The following SLIT3 variants were observed in gnomAD, a reference collection of about 807,000 sequenced individuals.
SLIT3 encodes slit homolog 3 protein.
In SLIT3, 68 loss-of-function variants were observed where a neutral mutation model predicts 184.0. That is an observed-to-expected ratio of 0.37 (90% CI 0.30 to 0.45). The LOEUF is 0.45. Among genes scored for constraint, SLIT3 ranks in the 20% least tolerant of loss-of-function variants. SLIT3 has a pLI of 1.00. For synonymous variants in SLIT3, 831 were observed against 828.6 expected (o/e 1.00, Z -0.05); for missense variants, 1,707 against 2,026.0 (o/e 0.84, Z 3.02).
intron 1 of SLIT3, among the ~76,000 whole-genome samples, chr5:169,288,973 A>G (rs376330177): frequency 3.9e-5 from 6 of 152,332 alleles, no homozygotes; most frequent in African/African-American, 1.4e-4. Flanking sequence ...TAGTGGTTCA[A>G]TTCAGATATT....
intron 4 of SLIT3, among the ~76,000 whole-genome samples, chr5:168,897,646 GTACACACACACACACACA>G (rs1164421598): frequency 9.5e-6 from 1 of 105,382 alleles, no homozygotes; most frequent in African/African-American, 4.2e-5. Flanking sequence ...ACAGGTGCAC[GTACACACACACACACACA>G]CACACACACA....
At chr5:169,051,835 A>G (rs1581353400) in intron 4 of SLIT3, among the ~76,000 whole-genome samples, 1 of 152,232 alleles carries the variant, frequency 6.6e-6, no homozygotes, top group Middle Eastern at 3.4e-3. Context: ...AAAGAAAGGA[A>G]GAGAGTGAAA....
intron 4 of SLIT3, among the ~76,000 whole-genome samples, chr5:169,160,928 G>C (rs1762456372): frequency 1.3e-5 from 2 of 152,032 alleles, no homozygotes; most frequent in African/African-American, 4.8e-5. Context: ...GCAGAGAAAA[G>C]AAAAAAGGGC....
At chr5:169,100,759 C>T (rs1002646492) in intron 4 of SLIT3, among the ~76,000 whole-genome samples, 2 of 152,174 alleles carry the variant, frequency 1.3e-5, no homozygotes, top group African/African-American at 4.8e-5. Context: ...CAATTCCAGG[C>T]ACCTCCATCC....
intron 3 of SLIT3, among the ~76,000 whole-genome samples, chr5:169,199,377 C>T (rs908399987): frequency 1.3e-5 from 2 of 152,062 alleles, no homozygotes; most frequent in African/African-American, 2.4e-5. Flanking sequence ...TATGAAAAGT[C>T]GCTCCAGGTG....
At chr5:168,795,641 G>A in intron 9 of SLIT3, 63 bp from the exon 10 acceptor site, 1 of 1,305,094 alleles carries the variant, frequency 7.7e-7, no homozygotes. Context: ...GTCACTGAGG[G>A]CTACTGTGTT....
At chr5:168,925,648 G>C (rs1156964486) in intron 4 of SLIT3, among the ~76,000 whole-genome samples, 1 of 149,244 alleles carries the variant, frequency 6.7e-6, no homozygotes, top group Non-Finnish European at 1.5e-5. Flanking sequence ...AAGGCAATCT[G>C]TAGTCTCTGC....
intron 4 of SLIT3, among the ~76,000 whole-genome samples, chr5:169,154,139 A>AT (rs1375079374): frequency 1.3e-5 from 2 of 151,788 alleles, no homozygotes; most frequent in East Asian, 1.9e-4. Context: ...AGCCTGGCTA[A>AT]TTTTTTGTAT....
intron 4 of SLIT3, among the ~76,000 whole-genome samples, chr5:169,113,658 CTT>C (rs869209479): frequency 2.1e-4 from 27 of 131,356 alleles, no homozygotes; most frequent in Admixed American, 4.7e-4. Context: ...TTTTCTTTTT[CTT>C]TTTTTTTTTT....
chr5:169,018,946 C>T (rs920408784), intron 4 of SLIT3, among the ~76,000 whole-genome samples: 7 of 152,228 alleles, frequency 4.6e-5, no homozygotes, highest in Admixed American at 2.0e-4. Context: ...AGTTTTGCCT[C>T]TCTCTGCTGA....
intron 5 of SLIT3, among the ~76,000 whole-genome samples, chr5:168,872,674 T>C (rs1252528085): frequency 7.0e-6 from 1 of 142,474 alleles, no homozygotes; most frequent in Non-Finnish European, 1.5e-5. Flanking sequence ...AGTCTCACTC[T>C]GTCGCTCAGG....
At chr5:168,759,018 G>A (rs2113495654) in intron 16 of SLIT3, among the ~76,000 whole-genome samples, 1 of 152,242 alleles carries the variant, frequency 6.6e-6, no homozygotes, top group East Asian at 1.9e-4. Context: ...TGTGTATATG[G>A]TGTACATGAA....
At chr5:168,949,421 G>A (rs115543266) in intron 4 of SLIT3, among the ~76,000 whole-genome samples, 2,023 of 152,236 alleles carry the variant, frequency 0.013, 55 homozygotes, top group African/African-American at 0.046. Flanking sequence ...TCCTGGGAAC[G>A]TATCACAGAG....
rs117030593 is a variant in SLIT3, at chr5:169,135,405, C to A, written c.413+58074G>T. Among the ~76,000 whole-genome samples the A allele has an allele frequency of 1.3e-3, 189 of 144,476 alleles. 4 individuals are homozygous for A. The East Asian group carries it at 0.032, about 24-fold the overall frequency. 94.8% of individuals were successfully genotyped at this position (144,476 alleles called of 152,430 possible). On this transcript the variant is annotated intron_variant, in intron 4 of 35. Transcript: ENST00000519560. The stretch of plus-strand genomic sequence containing the variant: ...GGGATTACATACGTGAGCCACCACA[C>A]CCGGCAGATCAGTGTTTTTTTTTAA...
chr5:169,015,853 G>C (rs1482940984), intron 4 of SLIT3, among the ~76,000 whole-genome samples: 1 of 151,988 alleles, frequency 6.6e-6, no homozygotes. Context: ...AGGATTGTTT[G>C]AGGCTGTAGT....
intron 4 of SLIT3, among the ~76,000 whole-genome samples, chr5:169,016,996 C>T (rs1232311604): frequency 6.6e-6 from 1 of 152,186 alleles, no homozygotes; most frequent in Admixed American, 6.5e-5. Context: ...CCAGCTCCGT[C>T]TCTAAGCTCC....
intron 20 of SLIT3, among the ~76,000 whole-genome samples, chr5:168,735,061 C>G (rs1053381085): frequency 2.6e-5 from 4 of 152,220 alleles, no homozygotes; most frequent in Admixed American, 6.5e-5. Flanking sequence ...CTGTAGCCTA[C>G]AGTCCAGGCT....
At chr5:168,864,403 C>T (rs544230763) in intron 5 of SLIT3, among the ~76,000 whole-genome samples, 5 of 152,274 alleles carry the variant, frequency 3.3e-5, no homozygotes, top group Non-Finnish European at 7.3e-5. Context: ...GCTTTGGGTC[C>T]TATTGGAATT....
rs73802438 is a variant in SLIT3, at chr5:168,877,811, T to C, written c.485+5454A>G. ...CTACACAGTCCTCGCAAATAGAAAC[T>C]GAAAAACAGAGGAAAACATAACTGC... On this transcript the variant is annotated intron_variant, in intron 5 of 35. Coordinates refer to ENST00000519560, the MANE Select transcript of SLIT3 (RefSeq NM_003062.4). Among the ~76,000 whole-genome samples the C allele has an allele frequency of 7.0e-3, 1,063 of 152,014 alleles. 12 individuals carry two copies. The highest frequency in any genetic ancestry group is 0.023 in the African/African-American group (964 of 41,444).
Sources: gnomAD v4.1 joint callset for allele counts (sites outside exome capture counted in the v4.1 genomes callset) on GRCh38, gnomAD v4.1.1 for gene constraint, MANE v1.5 for transcripts, NCBI Gene and HGNC (gene_info 2026-07-23, HGNC 2026-07-21) for gene names.